CDH12: variants seen among roughly 807,000 people sequenced by gnomAD.
CDH12 encodes cadherin-12.
In CDH12, 41 loss-of-function variants were observed where a neutral mutation model predicts 74.1. The ratio of observed to expected loss-of-function variants is 0.55; its 90% confidence interval spans 0.43 to 0.72. The LOEUF (loss-of-function observed/expected upper bound fraction) is 0.72, where lower values mean the gene tolerates loss of function less well. Ranked by LOEUF, CDH12 falls within the 30% of genes least tolerant of loss-of-function variation. The probability of loss-of-function intolerance (pLI) is 0.00; values close to 1 mark genes in which losing one functional copy is unlikely to be tolerated. For synonymous variants in CDH12, 399 were observed against 355.0 expected (o/e 1.12, Z -1.39); for missense variants, 945 against 977.2 (o/e 0.97, Z 0.44).
intron 1 of CDH12, among the ~76,000 whole-genome samples, chr5:22,531,237 G>A (rs531088670): frequency 1.3e-3 from 204 of 152,216 alleles, no homozygotes; most frequent in African/African-American, 4.6e-3. Flanking sequence ...AATTTTGGGG[G>A]AAGTCAGGCA....
intron 6 of CDH12, among the ~76,000 whole-genome samples, chr5:21,876,505 C>T (rs1283885586): frequency 6.6e-6 from 1 of 152,154 alleles, no homozygotes; most frequent in African/African-American, 2.4e-5. Context: ...ACATTTTAAG[C>T]TTTTATTTAG....
intron 3 of CDH12, among the ~76,000 whole-genome samples, chr5:22,319,782 C>T (rs527508402): frequency 2.6e-5 from 4 of 151,256 alleles, no homozygotes; most frequent in African/African-American, 9.7e-5. Flanking sequence ...TTCAGGGTTC[C>T]TTTAGAGTGA....
intron 3 of CDH12, among the ~76,000 whole-genome samples, chr5:22,334,684 G>A (rs1460486201): frequency 6.6e-6 from 1 of 152,078 alleles, no homozygotes; most frequent in Non-Finnish European, 1.5e-5. Context: ...AGAGAACCCA[G>A]AAATAAATCC....
intron 3 of CDH12, among the ~76,000 whole-genome samples, chr5:22,332,311 G>C (rs1739383800): frequency 6.6e-6 from 1 of 152,136 alleles, no homozygotes. Context: ...CTAGGCAGCA[G>C]ACTTTTTAGT....
At chr5:22,712,311 T>C (rs932240083) in intron 1 of CDH12, among the ~76,000 whole-genome samples, 5 of 152,100 alleles carry the variant, frequency 3.3e-5, no homozygotes, top group African/African-American at 1.2e-4. Context: ...CAAATCAGTA[T>C]ATTCATTGGT....
At chr5:22,655,563 A>G (rs1398049622) in intron 1 of CDH12, among the ~76,000 whole-genome samples, 1 of 152,226 alleles carries the variant, frequency 6.6e-6, no homozygotes. Context: ...TTTTCTTTGA[A>G]GAAGGACCTA....
intron 3 of CDH12, among the ~76,000 whole-genome samples, chr5:22,230,370 G>A (rs1230407778): frequency 6.6e-6 from 1 of 151,778 alleles, no homozygotes; most frequent in Non-Finnish European, 1.5e-5. Flanking sequence ...TGGGTAGATT[G>A]CCCTGTTCAT....
chr5:22,684,969 T>A (rs191397817), intron 1 of CDH12, among the ~76,000 whole-genome samples: 2 of 152,264 alleles, frequency 1.3e-5, no homozygotes, highest in East Asian at 3.9e-4. Flanking sequence ...GAAAGTCAAG[T>A]GCAAAGGGGA....
At chr5:22,684,210 C>T (rs1741643571) in intron 1 of CDH12, among the ~76,000 whole-genome samples, 1 of 152,024 alleles carries the variant, frequency 6.6e-6, no homozygotes, top group East Asian at 1.9e-4. Context: ...ATTTATGGGA[C>T]ACACGAGACA....
At chr5:22,808,206 A>T (rs1219917588) in intron 1 of CDH12, among the ~76,000 whole-genome samples, 3 of 152,206 alleles carry the variant, frequency 2.0e-5, no homozygotes, top group African/African-American at 7.2e-5. Context: ...AATTAATTAC[A>T]CTCATGCTAT....
intron 1 of CDH12, among the ~76,000 whole-genome samples, chr5:22,756,098 G>GAAAAAAAAAAAAAAAAA (rs60067455): frequency 3.6e-4 from 31 of 87,310 alleles, no homozygotes; most frequent in South Asian, 8.3e-4. Flanking sequence ...TTCAAGGACC[G>GAAAAAAAAAAAAAAAAA]AAAAAAAAAA....
At chr5:22,831,085 T>C (rs1461186101) in intron 1 of CDH12, among the ~76,000 whole-genome samples, 1 of 151,996 alleles carries the variant, frequency 6.6e-6, no homozygotes, top group Non-Finnish European at 1.5e-5. Context: ...CAAGAATAAA[T>C]CAGTTCCTAC....
intron 3 of CDH12, among the ~76,000 whole-genome samples, chr5:22,369,127 A>AAAAT (rs1186403138): frequency 1.3e-5 from 2 of 150,490 alleles, no homozygotes; most frequent in Non-Finnish European, 1.5e-5. Context: ...AGACTATCTC[A>AAAAT]AAATAAATAA....
intron 5 of CDH12, among the ~76,000 whole-genome samples, chr5:22,065,548 A>G (rs1376056758): frequency 1.3e-5 from 2 of 152,152 alleles, no homozygotes; most frequent in Non-Finnish European, 1.5e-5. Context: ...GACAAAACTC[A>G]AAGGCCTAGG....
chr5:22,587,050 G>A (rs973863240), intron 1 of CDH12, among the ~76,000 whole-genome samples: 17 of 152,050 alleles, frequency 1.1e-4, no homozygotes, highest in African/African-American at 4.1e-4. Flanking sequence ...TGACCAGGCT[G>A]GTCTCGAACT....
At chr5:22,660,510 C>T (rs539209585) in intron 1 of CDH12, among the ~76,000 whole-genome samples, 15 of 152,112 alleles carry the variant, frequency 9.9e-5, no homozygotes, top group Admixed American at 2.0e-4. Context: ...CTCCTGGACT[C>T]GAGGGATCCT....
chr5:22,044,981 G>A (rs1739834643), intron 5 of CDH12, among the ~76,000 whole-genome samples: 1 of 152,076 alleles, frequency 6.6e-6, no homozygotes, highest in Non-Finnish European at 1.5e-5. Flanking sequence ...TGAAACAATA[G>A]AATGAATAGA....
intron 1 of CDH12, among the ~76,000 whole-genome samples, chr5:22,785,965 T>G (rs1747602769): frequency 6.6e-6 from 1 of 152,102 alleles, no homozygotes; most frequent in Admixed American, 6.6e-5. Context: ...CTTTACTGGG[T>G]ATATAACCAA....
chr5:22,369,952 A>C (rs527596136), intron 3 of CDH12, among the ~76,000 whole-genome samples: 1 of 152,310 alleles, frequency 6.6e-6, no homozygotes, highest in East Asian at 1.9e-4. Context: ...CAGACACAAT[A>C]ACAGAAAAAT....
Sources: allele counts gnomAD v4.1 joint callset (sites outside exome capture counted in the v4.1 genomes callset), GRCh38; gene constraint gnomAD v4.1.1; transcripts MANE v1.5; gene names NCBI Gene and HGNC (gene_info 2026-07-23, HGNC 2026-07-21).